The following C1orf116 variants were observed in gnomAD, a reference collection of about 807,000 sequenced individuals.
C1orf116 encodes the protein specifically androgen-regulated gene protein.
Under a neutral mutation model 14.1 loss-of-function variants are expected in C1orf116, and 12 were observed. The ratio of observed to expected loss-of-function variants is 0.85; its 90% CI spans 0.54 to 1.38. C1orf116 has a LOEUF of 1.38. Ranked by LOEUF, C1orf116 falls within the 40% of genes most tolerant of loss-of-function variation. The probability of loss-of-function intolerance (pLI) is 0.00; values close to 1 mark genes in which losing one functional copy is unlikely to be tolerated. For missense variants in C1orf116, 797 were observed against 747.0 expected (o/e 1.07, Z -0.78); for synonymous variants, 296 against 299.0 (o/e 0.99, Z 0.10).
Position 207,022,223 on chromosome 1 carries a change from A to G in C1orf116, c.1541T>C (p.Phe514Ser), listed in dbSNP as rs11799966. The G allele has an allele frequency of 3.0e-3, 4,879 of 1,614,032 alleles. 120 individuals carry two copies. The African/African-American group carries it at 0.053, about 18-fold the overall frequency. Reference protein sequence around the residue: ...KTSTSLGKGSFLDKISPSVLR... With the variant: ...KTSTSLGKGSSLDKISPSVLR... The stretch of plus-strand genomic sequence containing the variant: ...GACACTGGGCGAGATCTTGTCCAAG[A>G]AGGAGCCCTTTCCCAGAGAAGTGCT... Residue 514 changes from phenylalanine (F) to serine (S), a missense_variant, in exon 4 of 4, where the codon TTC becomes TCC. Phe to Ser is a radical substitution (Grantham distance 155). Coordinates refer to ENST00000359470, the MANE Select transcript of C1orf116 (RefSeq NM_023938.6).
At position 207,022,363 on chromosome 1, in the gene C1orf116, C is replaced by T; in HGVS notation, c.1401G>A (p.Gln467=). ...PPKPESGLTL[Q]ESNTPGLRQM... is the part of the protein sequence containing the mutation. ...GTCTCAGGCCAGGGGTGTTGCTCTC[C>T]TGGAGAGTCAGCCCTGACTCTGGCT... Residue 467 remains glutamine (Q), a synonymous_variant, in exon 4 of 4, where the codon CAG becomes CAA. Coordinates refer to ENST00000359470, the MANE Select transcript of C1orf116 (RefSeq NM_023938.6). 1 of 1,614,092 alleles carries T rather than the reference C, an allele frequency of 6.2e-7. No individual in the cohort carries two copies.
At chr1:207,030,264 G>C (rs1424039303) in intron 1 of C1orf116, among the ~76,000 whole-genome samples, 1 of 152,158 alleles carries the variant, frequency 6.6e-6, no homozygotes, top group Non-Finnish European at 1.5e-5. Context: ...AAGGGAAACA[G>C]GGAATGACCT....
At position 207,018,835 on chromosome 1, in the gene C1orf116, C is replaced by T. The variant is rs10877; in HGVS notation, c.*3123G>A. Reference sequence around the variant, plus strand: ...CTGTCCATCCCCTTGGCCCCCTCTCCTCTAGTCCATGAGATTACAGCTTTG... The same window carrying T: ...CTGTCCATCCCCTTGGCCCCCTCTCTTCTAGTCCATGAGATTACAGCTTTG... On this transcript the variant is annotated 3_prime_UTR_variant, in exon 4 of 4. Transcript: ENST00000359470. 35,017 of 152,186 alleles carry T rather than the reference C, an allele frequency of 0.23. 4,237 individuals are homozygous for T. The highest frequency in any genetic ancestry group is 0.31 in the Middle Eastern group (91 of 296). 9.4% of individuals were successfully genotyped at this position (152,186 alleles called of 1,614,324 possible).
rs1681752232 is a variant in C1orf116, at chr1:207,019,123, G to A, written c.*2835C>T. ...GATCATGCTTCCCACTGTGGAAGAA[G>A]GCATGTACGAGTGAGTGGGCTCATC... is the stretch of plus-strand genomic sequence containing the variant. On this transcript the variant is annotated 3_prime_UTR_variant, in exon 4 of 4. Transcript: ENST00000359470. 6.6e-6 allele frequency: 1 copy of A among 152,340 alleles called. No homozygotes were observed. The highest frequency in any genetic ancestry group is 1.5e-5 in the Non-Finnish European group (1 of 68,114). 9.4% of individuals were successfully genotyped at this position (152,340 alleles called of 1,614,324 possible). A position where few individuals can be genotyped will look rare whatever the true frequency, so the allele number is the denominator to read the frequency against.
At position 207,022,609 on chromosome 1, in the gene C1orf116, G is replaced by A. The variant is rs754841871; in HGVS notation, c.1155C>T (p.Ser385=). Residue 385 remains serine (S), a synonymous_variant, in exon 4 of 4, where the codon TCC becomes TCT. Coordinates refer to ENST00000359470, the MANE Select transcript of C1orf116 (RefSeq NM_023938.6). ...CAGGCTGAGCCAGACCTGGAGCTGG[G>A]GACAGATGCTGGGCCCGTGTCTCCT... is the stretch of plus-strand genomic sequence containing the variant. The part of the protein sequence containing the change: ...RPKETRAQHL[S]PAPGLAQPAA... 1 of 1,614,040 alleles carries A rather than the reference G, an allele frequency of 6.2e-7. No individual in the cohort carries two copies. Among genetic ancestry groups the A allele is most frequent in the Non-Finnish European group, 8.5e-7 (1 of 1,180,034 alleles).
chr1:207,022,081 G>C lies in C1orf116; in HGVS notation c.1683C>G (p.Tyr561Ter). 2 of 1,612,032 alleles carry C rather than the reference G, an allele frequency of 1.2e-6. No individual in the cohort carries two copies. Among genetic ancestry groups the C allele is most frequent in the Non-Finnish European group, 1.7e-6 (2 of 1,178,922 alleles). ...EQEQSSKRLS[Y>*]QGQSRDKLPR... ...GAAGCTTGTCACGGCTCTGTCCTTG[G>C]TAGGACAGGCGCTTGGAGCTCTGCT... Residue 561 changes from tyrosine (Y) to a stop codon, truncating the protein, a stop_gained, in exon 4 of 4, where the codon TAC becomes TAG. Coordinates refer to ENST00000359470, the MANE Select transcript of C1orf116 (RefSeq NM_023938.6). LOFTEE classifies it high-confidence loss of function.
chr1:207,023,065 T>A lies in C1orf116; in HGVS notation c.699A>T (p.Pro233=). 12 of 1,612,892 alleles carry A rather than the reference T, an allele frequency of 7.4e-6. No individual in the cohort carries two copies. The highest frequency in any genetic ancestry group is 1.0e-5 in the Non-Finnish European group (12 of 1,180,002). The change falls in exon 4 of 4, where the codon CCA becomes CCT. Residue 233 remains proline, a synonymous_variant. Coordinates refer to ENST00000359470, the MANE Select transcript of C1orf116 (RefSeq NM_023938.6). ...TCTGCTCTCTTTCCTGGGAGCTGGATGGTGTGTGGAGCTGGGGTGTGTGGC... is the reference window on the plus strand; with the variant it reads ...TCTGCTCTCTTTCCTGGGAGCTGGAAGGTGTGTGGAGCTGGGGTGTGTGGC... ...QQGHTPQLHT[P]SSSQEREQTP... is the part of the protein sequence containing the mutation.
At chr1:207,031,521 G>T (rs555506634) in intron 1 of C1orf116, among the ~76,000 whole-genome samples, 5 of 152,142 alleles carry the variant, frequency 3.3e-5, no homozygotes, top group Non-Finnish European at 7.4e-5. Flanking sequence ...AGGCCCTTGA[G>T]CCTGGCACTG....
At position 207,031,626 on chromosome 1, in the gene C1orf116, C is replaced by A. The variant is rs77468660; in HGVS notation, c.-82+953G>T. Among the ~76,000 whole-genome samples, 509 of 152,312 alleles carry A rather than the reference C, an allele frequency of 3.3e-3. 2 individuals are homozygous for A. The highest frequency in any genetic ancestry group is 0.01 in the African/African-American group (419 of 41,570). Reference sequence around the variant, plus strand: ...CCCCCCAAGATGGATAATGGAGAGGCAACTTGCTACTCTGACTCGACTCCT... The same window carrying A: ...CCCCCCAAGATGGATAATGGAGAGGAAACTTGCTACTCTGACTCGACTCCT... On this transcript the variant is annotated intron_variant, in intron 1 of 3. Coordinates refer to ENST00000359470, the MANE Select transcript of C1orf116 (RefSeq NM_023938.6).
At chr1:207,028,647 GA>G (rs999576475) in intron 1 of C1orf116, among the ~76,000 whole-genome samples, 3 of 152,080 alleles carry the variant, frequency 2.0e-5, no homozygotes, top group Non-Finnish European at 2.9e-5. Flanking sequence ...ATTCCTTAGG[GA>G]AAAAAAGTTT....
chr1:207,031,044 C>T (rs781612085), intron 1 of C1orf116, among the ~76,000 whole-genome samples: 52 of 152,300 alleles, frequency 3.4e-4, no homozygotes, highest in South Asian at 6.2e-4. Flanking sequence ...CCCTCTCATC[C>T]TCCTCCCACG....
At chr1:207,026,228 C>A (rs1185227948) in intron 2 of C1orf116, among the ~76,000 whole-genome samples, 3 of 152,214 alleles carry the variant, frequency 2.0e-5, no homozygotes, top group Non-Finnish European at 4.4e-5. Context: ...GCCTCTGGAA[C>A]TTCCTTTCGC....
chr1:207,030,372 A>T (rs539115995), intron 1 of C1orf116, among the ~76,000 whole-genome samples: 1 of 152,028 alleles, frequency 6.6e-6, no homozygotes, highest in African/African-American at 2.4e-5. Context: ...GCCACCCCTG[A>T]CTAAAATACT....
chr1:207,029,175 A>G (rs565007160), intron 1 of C1orf116, among the ~76,000 whole-genome samples: 5 of 152,060 alleles, frequency 3.3e-5, no homozygotes, highest in Non-Finnish European at 5.9e-5. Context: ...GTCTCTTAAA[A>G]GGGGCAGGTA....
At chr1:207,027,428 G>A in intron 2 of C1orf116, 66 bp downstream of exon 2, 1 of 1,570,142 alleles carries the variant, frequency 6.4e-7, no homozygotes, top group African/African-American at 1.3e-5. Context: ...GAAAGGATAG[G>A]GCAGGGCAGG....
In C1orf116 at chr1:207,024,910, G is replaced by A; in HGVS notation, c.260C>T (p.Pro87Leu). The change falls in exon 3 of 4, where the codon CCC becomes CTC. Residue 87 changes from proline (P) to leucine (L), a missense_variant. Pro to Leu is a moderately conservative substitution (Grantham distance 98). Transcript: ENST00000359470. ...ACCCCGGGGAGTGGGTTGGGTTATGGGCAGTGCTCGGAAACCTCTGGGAGT... is the reference window on the plus strand; with the variant it reads ...ACCCCGGGGAGTGGGTTGGGTTATGAGCAGTGCTCGGAAACCTCTGGGAGT... ...ATTPRGFRAL[P>L]ITQPTPRGGP... 6.2e-7 allele frequency: 1 copy of A among 1,613,862 alleles called. No homozygotes were observed. The highest frequency in any genetic ancestry group is 8.5e-7 in the Non-Finnish European group (1 of 1,179,792).
Position 207,022,017 on chromosome 1 carries a change from C to T in C1orf116, c.1747G>A (p.Gly583Ser), listed in dbSNP as rs372883714. ...PCVSVKISPKGVPNEHRREAL... is the reference protein window; with the variant it reads ...PCVSVKISPKSVPNEHRREAL... ...TCCCTTCTGTGTTCATTGGGGACAC[C>T]CTTTGGGGAGATCTTGACACTGACA... is the stretch of plus-strand genomic sequence containing the variant. Residue 583 changes from glycine (G) to serine (S), a missense_variant, in exon 4 of 4, where the codon GGT (glycine) becomes AGT (serine). Transcript: ENST00000359470. The T allele has an allele frequency of 1.3e-6, 2 of 1,578,090 alleles. No individual in the cohort carries two copies. The highest frequency in any genetic ancestry group is 1.8e-5 in the Admixed American group (1 of 55,284).
At position 207,032,583 on chromosome 1, in the gene C1orf116, A is replaced by G; in HGVS notation, c.-86T>C. The G allele has an allele frequency of 1.0e-6, 1 of 985,354 alleles. No homozygotes were observed. The highest frequency in any genetic ancestry group is 1.2e-6 in the Non-Finnish European group (1 of 829,924). 61.0% of individuals were successfully genotyped at this position (985,354 alleles called of 1,614,324 possible). On this transcript the variant is annotated 5_prime_UTR_variant, in exon 1 of 4. Transcript: ENST00000359470. ...GTTGGTTAGTGATTAACTCACCTCCACTGGGTTGGGGGCTGAAGAGAGAAA... is the reference window on the plus strand; with the variant it reads ...GTTGGTTAGTGATTAACTCACCTCCGCTGGGTTGGGGGCTGAAGAGAGAAA...
At position 207,022,345 on chromosome 1, in the gene C1orf116, G is replaced by T; in HGVS notation, c.1419C>A (p.Gly473=). The T allele has an allele frequency of 1.2e-6, 2 of 1,614,038 alleles. No homozygotes were observed. Among genetic ancestry groups the T allele is most frequent in the Non-Finnish European group, 1.7e-6 (2 of 1,179,948 alleles). Residue 473 remains glycine (G), a synonymous_variant, in exon 4 of 4, where the codon GGC becomes GGA. Coordinates refer to ENST00000359470, the MANE Select transcript of C1orf116 (RefSeq NM_023938.6). The part of the protein sequence containing the change: ...GLTLQESNTP[G]LRQMNFKSNT... Reference sequence around the variant, plus strand: ...TGGACTTGAAGTTCATCTGTCTCAGGCCAGGGGTGTTGCTCTCCTGGAGAG... The same window carrying T: ...TGGACTTGAAGTTCATCTGTCTCAGTCCAGGGGTGTTGCTCTCCTGGAGAG...
Sources: gnomAD v4.1 joint callset for allele counts (sites outside exome capture counted in the v4.1 genomes callset) on GRCh38, gnomAD v4.1.1 for gene constraint, MANE v1.5 for transcripts, NCBI Gene and HGNC (gene_info 2026-07-23, HGNC 2026-07-21) for gene names.